FAM227B: variants seen among roughly 807,000 people sequenced by gnomAD.
FAM227B encodes protein FAM227B.
A neutral mutation model predicts 73.8 loss-of-function variants in FAM227B; 88 were observed. The observed-to-expected ratio is 1.19, with a 90% CI of 1.00 to 1.42. The LOEUF is 1.42. FAM227B is among the 40% of genes most tolerant of loss of function. The pLI is 0.00. For missense variants in FAM227B, 632 were observed against 590.9 expected (o/e 1.07, Z -0.72); for synonymous variants, 210 against 190.5 (o/e 1.10, Z -0.84).
At chr15:49,530,155 G>A (rs929893242) in intron 10 of FAM227B, among the ~76,000 whole-genome samples, 6 of 151,528 alleles carry the variant, frequency 4.0e-5, no homozygotes, top group African/African-American at 1.5e-4. Flanking sequence ...GCTTTTAATT[G>A]ATTCCTATTA....
intron 11 of FAM227B, among the ~76,000 whole-genome samples, chr15:49,473,561 G>A (rs1302303857): frequency 6.6e-6 from 1 of 152,088 alleles, no homozygotes; most frequent in Non-Finnish European, 1.5e-5. Context: ...AGAAAATATT[G>A]TGACAATCAT....
intron 13 of FAM227B, among the ~76,000 whole-genome samples, chr15:49,351,652 A>C (rs1191597487): frequency 6.6e-6 from 1 of 152,172 alleles, no homozygotes; most frequent in African/African-American, 2.4e-5. Flanking sequence ...GGCTTATTTG[A>C]GTGCTCTTGG....
At chr15:49,604,163 C>T (rs543747110) in intron 3 of FAM227B, among the ~76,000 whole-genome samples, 3 of 152,074 alleles carry the variant, frequency 2.0e-5, no homozygotes, top group African/African-American at 2.4e-5. Context: ...TATATTCTTA[C>T]GTTTATGGTG....
chr15:49,329,231 C>CT lies in FAM227B; in HGVS notation c.1420-557dup, dbSNP rs534910406. The CT allele has an allele frequency of 8.4e-5, 83 of 985,968 alleles. 1 individual carries two copies. The East Asian group carries it at 3.4e-3, about 40-fold the overall frequency. 61.1% of individuals were successfully genotyped at this position (985,968 alleles called of 1,614,324 possible). On this transcript the variant is annotated intron_variant, in intron 15 of 15. Coordinates refer to ENST00000299338, the MANE Select transcript of FAM227B (RefSeq NM_152647.3). ...GATTTGTAATGGTATTGATGGGTAT[C>CT]TCTGTATGTATATCAAGAGTGGGCA... is the stretch of plus-strand genomic sequence containing the variant.
chr15:49,613,448 C>T (rs1217137461), intron 2 of FAM227B, among the ~76,000 whole-genome samples: 2 of 152,068 alleles, frequency 1.3e-5, no homozygotes, highest in African/African-American at 2.4e-5. Context: ...TTGCGGTGAG[C>T]CAAGATTGTG....
In FAM227B at chr15:49,477,599, C is replaced by T. The variant is rs1247217799; in HGVS notation, c.1012+30612G>A. On this transcript the variant is annotated intron_variant, in intron 11 of 15. Transcript: ENST00000299338. ...ATTTACCTATTGGATATGTGGGTTG[C>T]GTCTGGTTTTTGATGATACGAATAA... Among the ~76,000 whole-genome samples, 9 of 152,086 alleles carry T rather than the reference C, an allele frequency of 5.9e-5. No homozygotes were observed. The East Asian group carries it at 9.6e-4, about 16-fold the overall frequency.
chr15:49,575,081 T>G lies in FAM227B; in HGVS notation c.575A>C (p.His192Pro), dbSNP rs1240976482. 1 of 1,602,412 alleles carries G rather than the reference T, an allele frequency of 6.2e-7. No homozygotes were observed. The highest frequency in any genetic ancestry group is 8.5e-7 in the Non-Finnish European group (1 of 1,173,994). ...DERVFKIWKT[H>P]FLSEASIALL... ...AGCAATGGAGGCTTCTGAGAGAAAA[T>G]GAGTCTTCCAGATTTTAAAAACTCT... is the stretch of plus-strand genomic sequence containing the variant. Residue 192 changes from histidine to proline, a missense_variant, in exon 8 of 16, where the codon CAT becomes CCT. Coordinates refer to ENST00000299338, the MANE Select transcript of FAM227B (RefSeq NM_152647.3).
At chr15:49,445,902 A>G (rs1398866599) in intron 11 of FAM227B, among the ~76,000 whole-genome samples, 2 of 151,596 alleles carry the variant, frequency 1.3e-5, no homozygotes, top group Admixed American at 6.6e-5. Context: ...CTAGACAAAC[A>G]TATCTATACT....
intron 15 of FAM227B, chr15:49,331,525 G>A (rs886397596): frequency 1.5e-5 from 6 of 408,490 alleles, no homozygotes; most frequent in African/African-American, 1.0e-4. Context: ...AATTCTAACT[G>A]CATTTGGAGC....
At chr15:49,502,770 A>G (rs2058248435) in intron 11 of FAM227B, among the ~76,000 whole-genome samples, 1 of 152,116 alleles carries the variant, frequency 6.6e-6, no homozygotes, top group Non-Finnish European at 1.5e-5. Flanking sequence ...TATAGTTTGG[A>G]TATTTGTCCC....
At chr15:49,493,060 C>A (rs2057260222) in intron 11 of FAM227B, among the ~76,000 whole-genome samples, 1 of 151,810 alleles carries the variant, frequency 6.6e-6, no homozygotes, top group African/African-American at 2.4e-5. Flanking sequence ...CCAGTAATCA[C>A]CAAGATTGCT....
intron 3 of FAM227B, among the ~76,000 whole-genome samples, chr15:49,599,636 C>G (rs1347190122): frequency 1.3e-5 from 2 of 152,050 alleles, no homozygotes. Flanking sequence ...TTTCCATTTT[C>G]ATTTATCTCA....
chr15:49,453,514 T>C (rs147320708), intron 11 of FAM227B, among the ~76,000 whole-genome samples: 2 of 152,172 alleles, frequency 1.3e-5, no homozygotes, highest in Non-Finnish European at 2.9e-5. Context: ...ACTATTCACA[T>C]TGCAAGGGTT....
rs1267027628 is a variant in FAM227B, at chr15:49,615,224, A to G, written c.-53T>C. ...GAAATCAGCTGGGTCTTAGGCTTCA[A>G]TGTGAGTTGGGCGACCAAACTGGGG... is the stretch of plus-strand genomic sequence containing the variant. On this transcript the variant is annotated 5_prime_UTR_variant, in exon 2 of 16. Transcript: ENST00000299338. 3.2e-6 allele frequency: 5 copies of G among 1,560,250 alleles called. No homozygotes were observed. The East Asian group carries it at 9.0e-5, about 28-fold the overall frequency.
chr15:49,449,676 C>G (rs1044604992), intron 11 of FAM227B, among the ~76,000 whole-genome samples: 66 of 152,028 alleles, frequency 4.3e-4, no homozygotes, highest in Non-Finnish European at 1.0e-4. Flanking sequence ...GTCCAGGTCC[C>G]TTTCAGATGA....
intron 11 of FAM227B, among the ~76,000 whole-genome samples, chr15:49,494,059 A>G (rs1350297045): frequency 6.6e-6 from 1 of 152,016 alleles, no homozygotes; most frequent in African/African-American, 2.4e-5. Context: ...ACTAAGAACC[A>G]TAAGTGATAG....
intron 11 of FAM227B, among the ~76,000 whole-genome samples, chr15:49,439,451 G>C (rs952822507): frequency 1.5e-4 from 22 of 151,684 alleles, no homozygotes; most frequent in Non-Finnish European, 2.8e-4. Flanking sequence ...ACTACCCAAG[G>C]GTGTGAATAG....
intron 11 of FAM227B, among the ~76,000 whole-genome samples, 172 bp downstream of exon 11, chr15:49,508,039 G>C (rs1296313031): frequency 6.6e-6 from 1 of 151,944 alleles, no homozygotes; most frequent in Non-Finnish European, 1.5e-5. Flanking sequence ...TTTTGTAACA[G>C]GCAAATGGAA....
chr15:49,476,165 T>C (rs1324097787), intron 11 of FAM227B, among the ~76,000 whole-genome samples: 4 of 150,366 alleles, frequency 2.7e-5, no homozygotes, highest in African/African-American at 9.7e-5. Context: ...AAATCCTCCG[T>C]TGACCACTTG....
Sources: gnomAD v4.1 joint callset for allele counts (sites outside exome capture counted in the v4.1 genomes callset) on GRCh38, gnomAD v4.1.1 for gene constraint, MANE v1.5 for transcripts, NCBI Gene and HGNC (gene_info 2026-07-23, HGNC 2026-07-21) for gene names.